Variants in CD2AP observed in about 807,000 individuals in gnomAD.
CD2AP encodes the protein CD2 associated protein.
Under a neutral mutation model 85.1 loss-of-function variants are expected in CD2AP, and 46 were observed. That is an observed-to-expected ratio of 0.54 (90% CI 0.43 to 0.69). CD2AP has a LOEUF of 0.69. Among genes scored for constraint, CD2AP ranks in the 30% least tolerant of loss-of-function variants. CD2AP has a pLI of 0.00. For synonymous variants in CD2AP, 255 were observed against 252.9 expected, an observed-to-expected ratio of 1.01 and a Z score of -0.08; for missense variants, 769 against 729.5, an observed-to-expected ratio of 1.05 and a Z score of -0.62.
intron 1 of CD2AP, among the ~76,000 whole-genome samples, chr6:47,502,893 A>C (rs1257685154): frequency 6.6e-6 from 1 of 152,148 alleles, no homozygotes; most frequent in African/African-American, 2.4e-5. Flanking sequence ...GTTGGTTAGA[A>C]GTCAGTCACA....
At chr6:47,527,767 A>G (rs1328830705) in intron 2 of CD2AP, among the ~76,000 whole-genome samples, 1 of 152,148 alleles carries the variant, frequency 6.6e-6, no homozygotes, top group Non-Finnish European at 1.5e-5. Context: ...AAAGTACTAG[A>G]TACTGCTTGT....
Position 47,609,255 on chromosome 6 carries a change from C to G in CD2AP, c.1765C>G (p.Gln589Glu). ...KKNSLDELRA[Q>E]IIELLCIVEA... ...AAATTCCCTGGATGAACTTAGAGCC[C>G]AGATTATTGAATTGTTGTGCATTGT... The change falls in exon 16 of 18, where the codon CAG becomes GAG. Residue 589 changes from glutamine to glutamate, a missense_variant. Gln to Glu is a conservative substitution (Grantham distance 29). Coordinates refer to ENST00000359314, the MANE Select transcript of CD2AP (RefSeq NM_012120.3). 6.2e-7 allele frequency: 1 copy of G among 1,613,510 alleles called. No individual in the cohort carries two copies. Among genetic ancestry groups the G allele is most frequent in the Non-Finnish European group, 8.5e-7 (1 of 1,179,770 alleles).
intron 17 of CD2AP, 47 bp from the exon 18 acceptor site, chr6:47,624,139 A>G: frequency 1.4e-6 from 2 of 1,435,070 alleles, no homozygotes; most frequent in Non-Finnish European, 2.0e-6. Context: ...ATAAACTACT[A>G]AACTAAGGAT....
intron 1 of CD2AP, among the ~76,000 whole-genome samples, chr6:47,493,544 T>A (rs1237679419): frequency 2.0e-5 from 3 of 152,006 alleles, no homozygotes; most frequent in African/African-American, 7.2e-5. Flanking sequence ...TAGGTGTAGT[T>A]TTTTTTGTTT....
At chr6:47,484,366 G>A (rs918076962) in intron 1 of CD2AP, among the ~76,000 whole-genome samples, 2 of 99,668 alleles carry the variant, frequency 2.0e-5, no homozygotes, top group Admixed American at 1.0e-4. Flanking sequence ...TTTTTTTTTT[G>A]TTATGTTTTG....
chr6:47,529,408 G>A (rs1766814402), intron 2 of CD2AP, among the ~76,000 whole-genome samples: 1 of 152,078 alleles, frequency 6.6e-6, no homozygotes, highest in South Asian at 2.1e-4. Flanking sequence ...CGTACTTGAG[G>A]TTCATTGGTG....
intron 12 of CD2AP, among the ~76,000 whole-genome samples, chr6:47,598,054 CAAGA>C (rs1472778478): frequency 2.0e-5 from 3 of 150,740 alleles, no homozygotes; most frequent in South Asian, 2.1e-4. Flanking sequence ...ACTTTAAAAG[CAAGA>C]AAGAAACAAT....
At chr6:47,487,366 A>T (rs1765586137) in intron 1 of CD2AP, among the ~76,000 whole-genome samples, 1 of 152,188 alleles carries the variant, frequency 6.6e-6, no homozygotes, top group African/African-American at 2.4e-5. Context: ...AGTTGAACTT[A>T]TGCTTACAAC....
intron 5 of CD2AP, among the ~76,000 whole-genome samples, chr6:47,563,744 A>G (rs1767921868): frequency 6.6e-6 from 1 of 152,178 alleles, no homozygotes; most frequent in African/African-American, 2.4e-5. Context: ...CTACAAAGTA[A>G]TGAAAAAAGC....
At chr6:47,566,570 GGTGGTTCCT>G (rs2114084115) in intron 5 of CD2AP, among the ~76,000 whole-genome samples, 1 of 152,034 alleles carries the variant, frequency 6.6e-6, no homozygotes, top group South Asian at 2.1e-4. Context: ...AGTGTGCCAT[GGTGGTTCCT>G]GCACCTATCG....
intron 13 of CD2AP, 27 bp from the exon 14 acceptor site, chr6:47,606,138 T>G: frequency 8.6e-7 from 1 of 1,159,198 alleles, no homozygotes; most frequent in Non-Finnish European, 1.3e-6. Context: ...GTTCTCTTAG[T>G]AAATAATGTT....
chr6:47,543,821 A>T (rs148540599), intron 3 of CD2AP, among the ~76,000 whole-genome samples: 3 of 152,330 alleles, frequency 2.0e-5, no homozygotes, highest in Admixed American at 2.0e-4. Flanking sequence ...GTTCCTAGTA[A>T]GTAGATGTGG....
chr6:47,582,123 G>A, intron 11 of CD2AP, 58 bp downstream of exon 11: 1 of 1,071,850 alleles, frequency 9.3e-7, no homozygotes, highest in South Asian at 1.3e-5. Context: ...TCATTTTAAA[G>A]AGAATTATTT....
chr6:47,556,018 A>G (rs1040293335), intron 5 of CD2AP, among the ~76,000 whole-genome samples: 2 of 149,994 alleles, frequency 1.3e-5, no homozygotes, highest in Non-Finnish European at 3.0e-5. Flanking sequence ...ACCTCAGTGC[A>G]CTCAGTGGTA....
intron 5 of CD2AP, among the ~76,000 whole-genome samples, chr6:47,564,179 A>T (rs1038770124): frequency 6.6e-6 from 1 of 152,162 alleles, no homozygotes; most frequent in Non-Finnish European, 1.5e-5. Flanking sequence ...ACGTGGCTTA[A>T]ATTTAATGGG....
At position 47,554,373 on chromosome 6, in the gene CD2AP, T is replaced by C. The variant is rs1000917964; in HGVS notation, c.421-273T>C. On this transcript the variant is annotated intron_variant, in intron 4 of 17. Transcript: ENST00000359314. ...CAGTATATATGGTTATCTGATACTTTCATGAAAAGTACTTCATAGATTGCG... is the reference window on the plus strand; with the variant it reads ...CAGTATATATGGTTATCTGATACTTCCATGAAAAGTACTTCATAGATTGCG... 1.4e-4 allele frequency among the ~76,000 whole-genome samples: 21 copies of C among 152,360 alleles called. No individual in the cohort carries two copies. The East Asian group carries it at 2.9e-3, about 21-fold the overall frequency.
At chr6:47,536,304 A>G (rs770217253) in intron 3 of CD2AP, among the ~76,000 whole-genome samples, 2 of 151,108 alleles carry the variant, frequency 1.3e-5, no homozygotes, top group Non-Finnish European at 2.9e-5. Flanking sequence ...GGCTCATTGT[A>G]TTGTTACATA....
At chr6:47,501,656 G>T (rs1562005278) in intron 1 of CD2AP, among the ~76,000 whole-genome samples, 1 of 151,150 alleles carries the variant, frequency 6.6e-6, no homozygotes, top group Non-Finnish European at 1.5e-5. Flanking sequence ...GATTGTTGTT[G>T]TGGTTGTTGG....
intron 3 of CD2AP, among the ~76,000 whole-genome samples, chr6:47,538,968 G>A (rs1767128476): frequency 6.6e-6 from 1 of 152,066 alleles, no homozygotes; most frequent in African/African-American, 2.4e-5. Context: ...AACTTGTAAA[G>A]TTTTCTGAAA....
Sources: allele counts gnomAD v4.1 joint callset (sites outside exome capture counted in the v4.1 genomes callset), GRCh38; gene constraint gnomAD v4.1.1; transcripts MANE v1.5; gene names NCBI Gene and HGNC (gene_info 2026-07-23, HGNC 2026-07-21).